Variants in EPS8L3 observed in about 807,000 individuals in gnomAD.
The protein encoded by EPS8L3 is EPS8 signaling adaptor L3.
Under a neutral mutation model 88.5 loss-of-function variants are expected in EPS8L3, and 80 were observed. The observed-to-expected ratio is 0.90, with a 90% CI of 0.75 to 1.09. The LOEUF (loss-of-function observed/expected upper bound fraction) is 1.09. Among genes scored for constraint, EPS8L3 ranks in the 50% least tolerant of loss-of-function variants. The probability of loss-of-function intolerance (pLI) is 0.00; values close to 1 mark genes in which losing one functional copy is unlikely to be tolerated. For missense variants in EPS8L3, 721 were observed against 735.2 expected (o/e 0.98, Z 0.22); for synonymous variants, 286 against 291.0 (o/e 0.98, Z 0.18).
In EPS8L3 at chr1:109,758,602, G is replaced by T. The variant is rs1443633602; in HGVS notation, c.523C>A (p.Pro175Thr). The change falls in exon 7 of 19, where the codon CCG becomes ACG. Residue 175 changes from proline to threonine, a missense_variant. Coordinates refer to ENST00000361965, the MANE Select transcript of EPS8L3 (RefSeq NM_133181.4). ...TAGCGTGCCTGCTCCATAGGGAGCGGCCTTTCCATAGCAGGCCCCCTCCAT... is the reference window on the plus strand; with the variant it reads ...TAGCGTGCCTGCTCCATAGGGAGCGTCCTTTCCATAGCAGGCCCCCTCCAT... ...DRWRGPAMER[P>T]LPMEQARYLE... The T allele has an allele frequency of 6.2e-7, 1 of 1,613,110 alleles. No homozygotes were observed. The highest frequency in any genetic ancestry group is 8.5e-7 in the Non-Finnish European group (1 of 1,179,474).
At chr1:109,752,628 A>T in intron 14 of EPS8L3, 58 bp downstream of exon 14, 1 of 1,470,914 alleles carries the variant, frequency 6.8e-7, no homozygotes. Flanking sequence ...GATCCAAAGG[A>T]ACAGCCCTGT....
chr1:109,750,462 T>C (rs954296116), intron 18 of EPS8L3, 60 bp from the exon 19 acceptor site: 2 of 1,608,418 alleles, frequency 1.2e-6, no homozygotes, highest in Non-Finnish European at 1.7e-6. Context: ...GCAGAGCTTA[T>C]GCCACCAATA....
At chr1:109,761,380 T>G (rs1229176024) in intron 3 of EPS8L3, 115 bp downstream of exon 3, 1 of 866,282 alleles carries the variant, frequency 1.2e-6, no homozygotes. Context: ...TGGGACAGGC[T>G]GTTGGCTTCT....
chr1:109,758,350 C>G lies in EPS8L3; in HGVS notation c.683G>C (p.Arg228Pro), dbSNP rs773474367. The G allele has an allele frequency of 6.2e-7, 1 of 1,613,618 alleles. No homozygotes were observed. The highest frequency in any genetic ancestry group is 8.5e-7 in the Non-Finnish European group (1 of 1,179,868). ...CTCTGGGTCCTCGGGGGAAGAGGAC[C>G]GCCTTGGAGGAGGCAGAGTAAAGGC... The part of the protein sequence containing the change: ...PSAFTLPPPR[R>P]SSSPEDPERD... Residue 228 changes from arginine to proline, a missense_variant, in exon 8 of 19, where the codon CGG (arginine) becomes CCG (proline). Transcript: ENST00000361965.
In EPS8L3 at chr1:109,753,175, G is replaced by A. The variant is rs1264536138; in HGVS notation, c.1142C>T (p.Pro381Leu). ...TGAGAATGTGGGTTGGTAGGGCAGGGGCTCATCGCCTGTCCAGTCGGCCCT... is the reference window on the plus strand; with the variant it reads ...TGAGAATGTGGGTTGGTAGGGCAGGAGCTCATCGCCTGTCCAGTCGGCCCT... ...TSRADWTGDE[P>L]LPYQPTFSDD... Residue 381 changes from proline (P) to leucine (L), a missense_variant, in exon 13 of 19, where the codon CCC (proline) becomes CTC (leucine). Coordinates refer to ENST00000361965, the MANE Select transcript of EPS8L3 (RefSeq NM_133181.4). 1.9e-6 allele frequency: 3 copies of A among 1,612,836 alleles called. No homozygotes were observed. The highest frequency in any genetic ancestry group is 1.7e-5 in the Admixed American group (1 of 59,812).
At position 109,756,275 on chromosome 1, in the gene EPS8L3, G is replaced by T. The variant is rs925040767; in HGVS notation, c.1118+742C>A. Among the ~76,000 whole-genome samples the T allele has an allele frequency of 2.2e-4, 33 of 152,194 alleles. 1 individual carries two copies. The highest frequency in any genetic ancestry group is 6.3e-4 in the African/African-American group (26 of 41,446). ...TTTTTTGAGATGGAGTTTTGCTCCT[G>T]TTGCACACACTGGAGTGCAGTGGGG... On this transcript the variant is annotated intron_variant, in intron 12 of 18. Coordinates refer to ENST00000361965, the MANE Select transcript of EPS8L3 (RefSeq NM_133181.4).
rs1650347769 is a variant in EPS8L3 at position 109,757,037 on chromosome 1, G to A, written c.1098C>T (p.Gly366=). Reference sequence around the variant, plus strand: ...CTCACCGGCTAGTGGTCCAGGCTGGGCCCAACCCCATCCAAAGGTTACTCT... The same window carrying A: ...CTCACCGGCTAGTGGTCCAGGCTGGACCCAACCCCATCCAAAGGTTACTCT... The part of the protein sequence containing the change: ...PPESNLWMGL[G]PAWTTSRADW... Residue 366 remains glycine (G), a synonymous_variant, in exon 12 of 19, where the codon GGC becomes GGT. Transcript: ENST00000361965. The A allele has an allele frequency of 1.9e-6, 3 of 1,614,232 alleles. No homozygotes were observed. Among genetic ancestry groups the A allele is most frequent in the Non-Finnish European group, 2.5e-6 (3 of 1,180,046 alleles).
In EPS8L3 at chr1:109,759,653, C is replaced by T. The variant is rs373072861; in HGVS notation, c.255+25G>A. The T allele has an allele frequency of 8.7e-6, 14 of 1,610,416 alleles. No homozygotes were observed. The highest frequency in any genetic ancestry group is 1.1e-5 in the Non-Finnish European group (13 of 1,178,868). On this transcript the variant is annotated intron_variant, in intron 4 of 18. Transcript: ENST00000361965. This position sits in a 1 kb window ranked among gnomAD's most constrained non-coding sequence, Gnocchi z 4.2. ...CTTCCCCACAGCCCAGGCTGGCTAT[C>T]ACTGGGTTTGCTGGGAAGGCTGACC...
At chr1:109,753,022 TCA>T in intron 13 of EPS8L3, 93 bp downstream of exon 13, 1 of 1,132,066 alleles carries the variant, frequency 8.8e-7, no homozygotes, top group Non-Finnish European at 1.3e-6. Context: ...CAGTGTTAGG[TCA>T]CACTAGTTGT....
chr1:109,758,963 G>T, intron 6 of EPS8L3, 99 bp downstream of exon 6: 1 of 1,323,674 alleles, frequency 7.6e-7, no homozygotes, highest in Non-Finnish European at 1.1e-6. Flanking sequence ...AGGTTGGTTG[G>T]GCCACAACCT....
chr1:109,762,348 T>A (rs575333051), intron 1 of EPS8L3, among the ~76,000 whole-genome samples: 4 of 152,222 alleles, frequency 2.6e-5, no homozygotes, highest in South Asian at 4.2e-4. Flanking sequence ...AGTGTCTCCC[T>A]AGGCCTCCTG....
intron 6 of EPS8L3, 76 bp downstream of exon 6, chr1:109,758,986 A>T (rs529267335): frequency 6.8e-7 from 1 of 1,473,644 alleles, no homozygotes; most frequent in African/African-American, 1.4e-5. Context: ...TGGGTGCCCC[A>T]AGATATGGGG....
intron 17 of EPS8L3, 30 bp from the exon 18 acceptor site, chr1:109,750,822 G>T: frequency 1.2e-6 from 2 of 1,613,398 alleles, no homozygotes. Context: ...AGCCATCCGT[G>T]GTGGGCTGGA....
chr1:109,751,058 C>G (rs1392142452), intron 17 of EPS8L3, among the ~76,000 whole-genome samples: 1 of 152,224 alleles, frequency 6.6e-6, no homozygotes, highest in Non-Finnish European at 1.5e-5. Context: ...CCCGAGTCCA[C>G]TCCCCTGATC....
chr1:109,762,146 G>C lies in EPS8L3; in HGVS notation c.-24-373C>G, dbSNP rs552270343. Among the ~76,000 whole-genome samples, 30 of 152,280 alleles carry C rather than the reference G, an allele frequency of 2.0e-4. No individual in the cohort carries two copies. The South Asian group carries it at 6.0e-3, about 31-fold the overall frequency. ...TATCTTGGGCCTGGGTATGAAAGAT[G>C]CTGGATGAGCAGAGGGTTCTGTAGC... On this transcript the variant is annotated intron_variant, in intron 1 of 18. Coordinates refer to ENST00000361965, the MANE Select transcript of EPS8L3 (RefSeq NM_133181.4).
Position 109,751,147 on chromosome 1 carries a change from C to T in EPS8L3, c.1637+131G>A, listed in dbSNP as rs534396137. 5.6e-5 allele frequency: 44 copies of T among 791,604 alleles called. No homozygotes were observed. In the African/African-American group the frequency reaches 6.7e-4, roughly 12 times the overall value. The allele number at this position is 791,604 out of a possible 1,614,324, so 49.0% of individuals were successfully genotyped here. A position where few individuals can be genotyped will look rare whatever the true frequency, so the allele number is the denominator to read the frequency against. On this transcript the variant is annotated intron_variant, in intron 17 of 18. Coordinates refer to ENST00000361965, the MANE Select transcript of EPS8L3 (RefSeq NM_133181.4). The stretch of plus-strand genomic sequence containing the variant: ...GACACGCCTCTGCTCTGTCCTCTAA[C>T]TCAGCAGAGACGGTGCTGGATCGGG...
intron 12 of EPS8L3, among the ~76,000 whole-genome samples, chr1:109,754,053 C>A (rs2101433747): frequency 6.6e-6 from 1 of 152,314 alleles, no homozygotes; most frequent in South Asian, 2.1e-4. Context: ...TCCCTCTTCT[C>A]AATTTTCTTA....
intron 12 of EPS8L3, among the ~76,000 whole-genome samples, chr1:109,753,604 T>C (rs902843735): frequency 1.3e-5 from 2 of 152,148 alleles, no homozygotes; most frequent in Non-Finnish European, 2.9e-5. Flanking sequence ...CAGATCCTTT[T>C]CTTTCTAGCT....
At chr1:109,757,341 G>A (rs574930313) in intron 11 of EPS8L3, 140 bp downstream of exon 11, 152 of 1,125,402 alleles carry the variant, frequency 1.4e-4, no homozygotes, top group African/African-American at 1.7e-4. Flanking sequence ...GAGCCTTGGC[G>A]TCCTTGGCTC....
Sources: allele counts gnomAD v4.1 joint callset (sites outside exome capture counted in the v4.1 genomes callset), GRCh38; gene constraint gnomAD v4.1.1; non-coding constraint Gnocchi (gnomAD v3.1); transcripts MANE v1.5; gene names NCBI Gene and HGNC (gene_info 2026-07-23, HGNC 2026-07-21).